Variants in SMOC1 observed in about 807,000 individuals in gnomAD.
The protein encoded by SMOC1 is SPARC related modular calcium binding 1.
SMOC1 carries 22 observed loss-of-function variants against 56.3 expected under a neutral mutation model. The ratio of observed to expected loss-of-function variants is 0.39; its 90% CI spans 0.28 to 0.56. The LOEUF (loss-of-function observed/expected upper bound fraction) is 0.56. SMOC1 is among the 20% of genes least tolerant of loss of function. SMOC1 has a pLI of 0.61. For synonymous variants in SMOC1, 193 were observed against 215.0 expected (o/e 0.90, Z 0.89); for missense variants, 509 against 565.4 (o/e 0.90, Z 1.01).
At chr14:69,968,137 C>T (rs1472487169) in intron 3 of SMOC1, among the ~76,000 whole-genome samples, 1 of 152,212 alleles carries the variant, frequency 6.6e-6, no homozygotes, top group South Asian at 2.1e-4. Context: ...TTCCCAAACT[C>T]TCACGTAGAA....
At chr14:70,013,266 T>G (rs2139592715) in intron 9 of SMOC1, 120 bp from the exon 10 acceptor site, 1 of 865,072 alleles carries the variant, frequency 1.2e-6, no homozygotes, top group East Asian at 2.6e-5. Context: ...AACAAATCAC[T>G]AAAGTGGATT....
chr14:70,016,973 CT>C (rs553290362), intron 10 of SMOC1, among the ~76,000 whole-genome samples: 1 of 152,326 alleles, frequency 6.6e-6, no homozygotes, highest in South Asian at 2.1e-4. Context: ...TATTATCTGT[CT>C]CCCTAAACCC....
chr14:69,987,175 C>A lies in SMOC1; in HGVS notation c.527-5242C>A, dbSNP rs1204862108. 2.0e-5 allele frequency among the ~76,000 whole-genome samples: 3 copies of A among 152,180 alleles called. No homozygotes were observed. In the East Asian group the frequency reaches 5.8e-4, roughly 29 times the overall value. On this transcript the variant is annotated intron_variant, in intron 5 of 11. Coordinates refer to ENST00000361956, the MANE Select transcript of SMOC1 (RefSeq NM_001034852.3). ...AATGTGGTCCCTTCAAAGCAAGAAC[C>A]TTCGAGCACTTCTACCAGGCTGAAG...
intron 3 of SMOC1, among the ~76,000 whole-genome samples, chr14:69,964,923 C>A (rs530720316): frequency 7.9e-5 from 12 of 152,236 alleles, no homozygotes; most frequent in Admixed American, 5.9e-4. Flanking sequence ...TGATCCTAAC[C>A]ATGATTCCAC....
chr14:69,975,727 A>T lies in SMOC1; in HGVS notation c.391A>T (p.Thr131Ser). The T allele has an allele frequency of 6.2e-7, 1 of 1,612,582 alleles. No homozygotes were observed. The highest frequency in any genetic ancestry group is 8.5e-7 in the Non-Finnish European group (1 of 1,179,458). ...DGSFTQVQCH[T>S]YTGYCWCVTP... is the part of the protein sequence containing the mutation. ...CTTCCCTGAACAGGTGCAGTGCCAT[A>T]CTTACACTGGGTACTGCTGGTGTGT... Residue 131 changes from threonine to serine, a missense_variant, in exon 4 of 12, where the codon ACT becomes TCT. Around this residue, in one of 3 missense-constraint regions of SMOC1, gnomAD observed 315 missense variants for 333.1 expected, o/e 0.95. Transcript: ENST00000361956.
At position 69,943,884 on chromosome 14, in the gene SMOC1, G is replaced by A. The variant is rs143853097; in HGVS notation, c.100-8254G>A. On this transcript the variant is annotated intron_variant, in intron 1 of 11. Transcript: ENST00000361956. ...CAAACCACTGTTGCCAGAGCTGACA[G>A]CAAAGCCCTTTCTGCCCCTCAGTGG... 9.4e-4 allele frequency among the ~76,000 whole-genome samples: 143 copies of A among 152,336 alleles called. 1 individual carries two copies. Among genetic ancestry groups the A allele is most frequent in the African/African-American group, 3.1e-3 (129 of 41,570 alleles).
chr14:69,903,244 G>A (rs150035630), intron 1 of SMOC1, among the ~76,000 whole-genome samples: 2,924 of 152,088 alleles, frequency 0.019, 95 homozygotes, highest in African/African-American at 0.067. Flanking sequence ...CGTCTGGGAT[G>A]TGAGGAGCGC....
rs141270441 is a variant in SMOC1 at position 69,898,940 on chromosome 14, G to C, written c.99+19163G>C. On this transcript the variant is annotated intron_variant, in intron 1 of 11. Coordinates refer to ENST00000361956, the MANE Select transcript of SMOC1 (RefSeq NM_001034852.3). ...CTTTAGTGATGTGGTGGTAAGATGTGGGGGGAGGAGAAGCATTCTATAGTC... is the reference window on the plus strand; with the variant it reads ...CTTTAGTGATGTGGTGGTAAGATGTCGGGGGAGGAGAAGCATTCTATAGTC... 2.6e-3 allele frequency among the ~76,000 whole-genome samples: 398 copies of C among 152,124 alleles called. 2 individuals carry two copies. Among genetic ancestry groups the C allele is most frequent in the African/African-American group, 7.9e-3 (326 of 41,500 alleles).
At chr14:70,004,694 C>G (rs1885087086) in intron 7 of SMOC1, among the ~76,000 whole-genome samples, 1 of 152,234 alleles carries the variant, frequency 6.6e-6, no homozygotes, top group Non-Finnish European at 1.5e-5. Flanking sequence ...ATCACTCTCT[C>G]TCTCTCTCTT....
intron 1 of SMOC1, among the ~76,000 whole-genome samples, chr14:69,888,792 A>G (rs934774156): frequency 1.7e-4 from 26 of 151,794 alleles, no homozygotes; most frequent in Admixed American, 1.1e-3. Context: ...AATAATTTTT[A>G]TGGATGTTCA....
chr14:69,905,449 A>G (rs143810980), intron 1 of SMOC1, among the ~76,000 whole-genome samples: 152 of 152,360 alleles, frequency 1.0e-3, no homozygotes, highest in African/African-American at 3.1e-3. Flanking sequence ...AGGCACCTAC[A>G]CACAAAGGAA....
At chr14:69,978,166 T>A (rs2139509801) in intron 5 of SMOC1, 1 of 631,174 alleles carries the variant, frequency 1.6e-6, no homozygotes, top group East Asian at 2.8e-5. Context: ...AGCTCCCAGA[T>A]TTCCCAAGGG....
At chr14:69,903,453 C>T (rs1217499231) in intron 1 of SMOC1, among the ~76,000 whole-genome samples, 6 of 151,796 alleles carry the variant, frequency 4.0e-5, no homozygotes, top group Non-Finnish European at 8.8e-5. Flanking sequence ...GCGGTTTTGT[C>T]GAATAGAAAA....
chr14:69,978,226 G>T (rs191895098), intron 5 of SMOC1: 179 of 536,142 alleles, frequency 3.3e-4, no homozygotes, highest in East Asian at 2.7e-3. Flanking sequence ...TAGAATGTGA[G>T]CCCTAGGAAT....
chr14:69,959,440 A>G (rs954427384), intron 3 of SMOC1, among the ~76,000 whole-genome samples: 18 of 152,322 alleles, frequency 1.2e-4, no homozygotes, highest in African/African-American at 4.1e-4. Flanking sequence ...TTTTATGTAG[A>G]CAGATTATAG....
chr14:69,967,844 G>A (rs927405857), intron 3 of SMOC1, among the ~76,000 whole-genome samples: 2 of 152,102 alleles, frequency 1.3e-5, no homozygotes, highest in Non-Finnish European at 2.9e-5. Flanking sequence ...TACTCCTGTT[G>A]CTTCTCAGCC....
intron 1 of SMOC1, among the ~76,000 whole-genome samples, chr14:69,899,102 G>A (rs1284150551): frequency 6.6e-6 from 1 of 152,098 alleles, no homozygotes; most frequent in East Asian, 1.9e-4. Flanking sequence ...CTTCTCCCAG[G>A]TAGGTTAGTC....
intron 1 of SMOC1, among the ~76,000 whole-genome samples, chr14:69,880,248 G>C (rs758079097): frequency 1.3e-5 from 2 of 152,148 alleles, no homozygotes; most frequent in Non-Finnish European, 2.9e-5. Flanking sequence ...CAAGGACCTT[G>C]TGTTGTTGTT....
intron 7 of SMOC1, among the ~76,000 whole-genome samples, chr14:69,996,882 C>A (rs773946105): frequency 3.3e-5 from 5 of 152,198 alleles, no homozygotes; most frequent in Non-Finnish European, 5.9e-5. Context: ...TATGGTGCCA[C>A]AAAGGCCTGT....
Sources: gnomAD v4.1 joint callset for allele counts (sites outside exome capture counted in the v4.1 genomes callset) on GRCh38, gnomAD v4.1.1 for gene constraint, gnomAD v4.1.1 regional missense constraint, MANE v1.5 for transcripts, NCBI Gene and HGNC (gene_info 2026-07-23, HGNC 2026-07-21) for gene names.